The following CYRIB variants were observed in gnomAD, a reference collection of about 807,000 sequenced individuals.
The protein encoded by CYRIB is CYFIP-related Rac1 interactor B.
Under a neutral mutation model 44.2 loss-of-function variants are expected in CYRIB, and 8 were observed. The ratio of observed to expected loss-of-function variants is 0.18; its 90% confidence interval spans 0.11 to 0.33. The LOEUF (loss-of-function observed/expected upper bound fraction) is 0.33, where lower values mean the gene tolerates loss of function less well. CYRIB is among the 10% of genes least tolerant of loss of function. CYRIB has a pLI of 1.00. For synonymous variants in CYRIB, 131 were observed against 127.2 expected, an observed-to-expected ratio of 1.03 and a Z score of -0.20; for missense variants, 185 against 382.8, an observed-to-expected ratio of 0.48 and a Z score of 4.31.
intron 1 of CYRIB, among the ~76,000 whole-genome samples, chr8:129,916,071 T>C (rs1484994059): frequency 1.3e-5 from 2 of 152,208 alleles, no homozygotes; most frequent in Non-Finnish European, 2.9e-5. Context: ...ATTTCACAAA[T>C]GGGAAAGTTG....
intron 2 of CYRIB, among the ~76,000 whole-genome samples, chr8:129,885,649 A>G (rs139562038): frequency 6.6e-5 from 10 of 152,168 alleles, no homozygotes; most frequent in Middle Eastern, 3.4e-3. Context: ...GTGACAACCA[A>G]TAACGCCTCC....
intron 2 of CYRIB, among the ~76,000 whole-genome samples, chr8:129,955,109 T>G (rs1591065747): frequency 6.6e-6 from 1 of 151,884 alleles, no homozygotes; most frequent in Non-Finnish European, 1.5e-5. Flanking sequence ...CAAAATTAGC[T>G]GGGCGTGATG....
chr8:129,906,674 A>C (rs1039623182), intron 1 of CYRIB, among the ~76,000 whole-genome samples: 15 of 152,208 alleles, frequency 9.9e-5, no homozygotes, highest in Non-Finnish European at 2.1e-4. Context: ...CAACCTACAA[A>C]ATGGGAGAAA....
At chr8:129,959,913 C>G (rs192774596) in intron 2 of CYRIB, among the ~76,000 whole-genome samples, 13 of 152,306 alleles carry the variant, frequency 8.5e-5, no homozygotes, top group African/African-American at 2.9e-4. Flanking sequence ...TAGCTCTTTT[C>G]TCTCACGACT....
At chr8:129,923,868 T>C (rs146599590) in intron 1 of CYRIB, among the ~76,000 whole-genome samples, 13 of 150,544 alleles carry the variant, frequency 8.6e-5, no homozygotes, top group African/African-American at 2.7e-4. Flanking sequence ...TATGTGAATA[T>C]CTAGTATGTA....
At chr8:129,973,153 C>T (rs538914319) in intron 1 of CYRIB, among the ~76,000 whole-genome samples, 10 of 152,228 alleles carry the variant, frequency 6.6e-5, no homozygotes, top group Admixed American at 1.3e-4. Flanking sequence ...GGCAGATGAA[C>T]GCTCTGAAGG....
At position 129,842,557 on chromosome 8, in the gene CYRIB, A is replaced by AT. The variant is rs570212681; in HGVS notation, c.912-353dup. ...AGCCCATGGGCCATCCAATCCACCA[A>AT]TTTTTTTGTGGACTGTGAGCTAATT... On this transcript the variant is annotated intron_variant, in intron 11 of 11. Transcript: ENST00000519824. Among the ~76,000 whole-genome samples the AT allele has an allele frequency of 6.6e-5, 10 of 152,216 alleles. No individual in the cohort carries two copies. In the South Asian group the frequency reaches 1.9e-3, roughly 28 times the overall value.
intron 1 of CYRIB, among the ~76,000 whole-genome samples, chr8:129,986,719 G>A (rs536371700): frequency 6.2e-4 from 95 of 152,272 alleles, no homozygotes; most frequent in African/African-American, 2.3e-3. Context: ...CTCAACCATG[G>A]ACATCTCAGC....
chr8:129,887,949 T>C lies in CYRIB; in HGVS notation c.-10-8478A>G, dbSNP rs113764642. ...TCATCTCAGGTGAGACTTTGGACTG[T>C]GGACTTCTGAGTTAATGCTGAAATG... On this transcript the variant is annotated intron_variant, in intron 2 of 11. Transcript: ENST00000519824. 4.2e-3 allele frequency among the ~76,000 whole-genome samples: 642 copies of C among 152,324 alleles called. 7 individuals carry two copies. The highest frequency in any genetic ancestry group is 0.014 in the African/African-American group (601 of 41,566).
chr8:129,934,221 T>C (rs750572319), intron 1 of CYRIB, among the ~76,000 whole-genome samples: 2 of 152,142 alleles, frequency 1.3e-5, no homozygotes, highest in Admixed American at 6.5e-5. Context: ...CCAGTGGAAA[T>C]TGAATGCCTA....
At chr8:129,983,769 G>A (rs1437546296) in intron 1 of CYRIB, among the ~76,000 whole-genome samples, 1 of 152,238 alleles carries the variant, frequency 6.6e-6, no homozygotes, top group Non-Finnish European at 1.5e-5. Flanking sequence ...AGCACGTCCT[G>A]CGCATCGCCG....
intron 2 of CYRIB, among the ~76,000 whole-genome samples, chr8:129,884,445 C>G (rs376732300): frequency 1.3e-5 from 2 of 151,940 alleles, no homozygotes; most frequent in Non-Finnish European, 2.9e-5. Context: ...TGCACCACCA[C>G]GCCCGGCTAA....
chr8:129,946,286 T>G (rs2094136679), intron 2 of CYRIB, among the ~76,000 whole-genome samples: 1 of 152,216 alleles, frequency 6.6e-6, no homozygotes, highest in Non-Finnish European at 1.5e-5. Flanking sequence ...TCAATATGCT[T>G]CAGCACCTAG....
chr8:129,842,122 A>AGGT, exon 12 of CYRIB: 2 of 1,586,072 alleles, frequency 1.3e-6, no homozygotes, highest in Non-Finnish European at 1.7e-6. Context: ...TGTCTACAGC[A>AGGT]GGTGCTTATT....
intron 1 of CYRIB, among the ~76,000 whole-genome samples, chr8:129,934,523 C>T (rs117612067): frequency 0.013 from 1,968 of 152,246 alleles, 18 homozygotes; most frequent in Middle Eastern, 0.034. Flanking sequence ...GCCTCCACAA[C>T]AACTGTTTCA....
intron 2 of CYRIB, among the ~76,000 whole-genome samples, chr8:129,897,713 T>C (rs56665652): frequency 0.031 from 4,725 of 151,132 alleles, 256 homozygotes; most frequent in African/African-American, 0.11. Context: ...GGTGGGAGGA[T>C]TGCTTGAGCC....
intron 2 of CYRIB, 143 bp downstream of exon 4, chr8:129,903,169 A>G (rs1008969096): frequency 4.6e-5 from 7 of 152,694 alleles, no homozygotes; most frequent in African/African-American, 1.7e-4. Flanking sequence ...TAAACAATCA[A>G]TATTTCCTAA....
intron 1 of CYRIB, among the ~76,000 whole-genome samples, chr8:129,931,018 T>A (rs1422091834): frequency 6.6e-6 from 1 of 152,098 alleles, no homozygotes; most frequent in Non-Finnish European, 1.5e-5. Flanking sequence ...AAAAATAAAT[T>A]CAAATATAAC....
chr8:130,009,783 AG>A (rs2097179972), intron 1 of CYRIB, among the ~76,000 whole-genome samples: 1 of 152,226 alleles, frequency 6.6e-6, no homozygotes, highest in Non-Finnish European at 1.5e-5. Context: ...AGCAGGTGAT[AG>A]TAGCCCAGCT....
Sources: gnomAD v4.1 joint callset for allele counts (sites outside exome capture counted in the v4.1 genomes callset) on GRCh38, gnomAD v4.1.1 for gene constraint, MANE v1.5 for transcripts, NCBI Gene and HGNC (gene_info 2026-07-23, HGNC 2026-07-21) for gene names.